Variants in KCNB2 observed in about 807,000 individuals in gnomAD.
The protein encoded by KCNB2 is delayed rectifier potassium channel protein.
A neutral mutation model predicts 61.5 loss-of-function variants in KCNB2; 15 were observed. That is an observed-to-expected ratio of 0.24 (90% CI 0.16 to 0.38). KCNB2 has a LOEUF of 0.38. KCNB2 is among the 10% of genes least tolerant of loss of function. The probability of loss-of-function intolerance (pLI) is 1.00; values close to 1 mark genes in which losing one functional copy is unlikely to be tolerated. For synonymous variants in KCNB2, 457 were observed against 446.0 expected, an observed-to-expected ratio of 1.02 and a Z score of -0.31; for missense variants, 828 against 1,125.2, an observed-to-expected ratio of 0.74 and a Z score of 3.78.
chr8:72,768,362 A>G (rs773758797), intron 2 of KCNB2, among the ~76,000 whole-genome samples: 3 of 151,868 alleles, frequency 2.0e-5, no homozygotes, highest in Non-Finnish European at 2.9e-5. Context: ...TTTAGTAGAG[A>G]TGTTGTTTTG....
intron 2 of KCNB2, among the ~76,000 whole-genome samples, chr8:72,703,655 A>G (rs1807170564): frequency 6.6e-6 from 1 of 152,154 alleles, no homozygotes; most frequent in Non-Finnish European, 1.5e-5. Flanking sequence ...TTCTGTGCCA[A>G]GGTCAGGGTA....
intron 2 of KCNB2, among the ~76,000 whole-genome samples, chr8:72,650,687 A>G (rs1806198637): frequency 6.6e-6 from 1 of 152,116 alleles, no homozygotes; most frequent in African/African-American, 2.4e-5. Context: ...TAGTATCTAT[A>G]AGAGTCTGCT....
chr8:72,725,529 A>ATATGTG lies in KCNB2; in HGVS notation c.579+157219_579+157220insGTGTAT, dbSNP rs1563571840. On this transcript the variant is annotated intron_variant, in intron 2 of 2. Transcript: ENST00000523207. The stretch of plus-strand genomic sequence containing the variant: ...TGTCTTCATATATATATATATATAT[A>ATATGTG]TATATATATATGTGTGTATATATAT... Among the ~76,000 whole-genome samples the ATATGTG allele has an allele frequency of 3.5e-3, 292 of 82,358 alleles. 3 individuals are homozygous for ATATGTG. The highest frequency in any genetic ancestry group is 0.01 in the African/African-American group (200 of 19,504). 54.0% of individuals were successfully genotyped at this position (82,358 alleles called of 152,430 possible). A position where few individuals can be genotyped will look rare whatever the true frequency, so the allele number is the denominator to read the frequency against.
At chr8:72,578,296 T>C (rs1169178643) in intron 2 of KCNB2, among the ~76,000 whole-genome samples, 1 of 152,198 alleles carries the variant, frequency 6.6e-6, no homozygotes, top group African/African-American at 2.4e-5. Flanking sequence ...TAGTAGGTAA[T>C]CTTACTTTCT....
chr8:72,767,511 A>C (rs1429730806), intron 2 of KCNB2, among the ~76,000 whole-genome samples: 1 of 151,504 alleles, frequency 6.6e-6, no homozygotes, highest in Non-Finnish European at 1.5e-5. Context: ...TCTTTCACTC[A>C]GTATAATGTT....
In KCNB2 at chr8:72,937,830, G is replaced by A. The variant is rs138301209; in HGVS notation, c.2475G>A (p.Lys825=). The A allele has an allele frequency of 5.4e-5, 87 of 1,614,050 alleles. No individual in the cohort carries two copies. The highest frequency in any genetic ancestry group is 6.4e-5 in the Non-Finnish European group (75 of 1,180,030). ...FLELPGAREE[K]QVDSSPNCFA... is the part of the protein sequence containing the mutation. ...AGCTCCCAGGGGCAAGGGAGGAGAAGCAGGTGGACTCCAGCCCAAATTGCT... is the reference window on the plus strand; with the variant it reads ...AGCTCCCAGGGGCAAGGGAGGAGAAACAGGTGGACTCCAGCCCAAATTGCT... Residue 825 remains lysine (K), a synonymous_variant, in exon 3 of 3, where the codon AAG becomes AAA. Transcript: ENST00000523207.
At chr8:72,784,147 T>C (rs975955332) in intron 2 of KCNB2, among the ~76,000 whole-genome samples, 2 of 152,160 alleles carry the variant, frequency 1.3e-5, no homozygotes, top group African/African-American at 2.4e-5. Flanking sequence ...CATTGTGTAA[T>C]GATTACCACC....
chr8:72,580,166 G>A (rs1806869510), intron 2 of KCNB2, among the ~76,000 whole-genome samples: 1 of 152,168 alleles, frequency 6.6e-6, no homozygotes, highest in East Asian at 1.9e-4. Flanking sequence ...AGCAACCACG[G>A]GCACTATGGA....
chr8:72,740,623 A>G (rs1287340734), intron 2 of KCNB2, among the ~76,000 whole-genome samples: 1 of 152,178 alleles, frequency 6.6e-6, no homozygotes, highest in Non-Finnish European at 1.5e-5. Context: ...AAAGGCTTAG[A>G]TGGAGAAATA....
intron 2 of KCNB2, among the ~76,000 whole-genome samples, chr8:72,646,154 A>G (rs2128986052): frequency 6.6e-6 from 1 of 152,248 alleles, no homozygotes; most frequent in African/African-American, 2.4e-5. Flanking sequence ...ATATATACAT[A>G]TATGCTGATA....
intron 2 of KCNB2, among the ~76,000 whole-genome samples, chr8:72,655,699 T>C (rs1463598457): frequency 6.6e-6 from 1 of 152,150 alleles, no homozygotes; most frequent in Non-Finnish European, 1.5e-5. Flanking sequence ...TGCTGGTATA[T>C]GTAATATTAT....
chr8:72,777,106 A>G (rs1444175151), intron 2 of KCNB2, among the ~76,000 whole-genome samples: 1 of 152,176 alleles, frequency 6.6e-6, no homozygotes, highest in African/African-American at 2.4e-5. Context: ...AAAAATTCTC[A>G]TGTGACTTAA....
intron 1 of KCNB2, among the ~76,000 whole-genome samples, chr8:72,560,258 C>T (rs532270293): frequency 3.3e-5 from 5 of 152,260 alleles, no homozygotes; most frequent in African/African-American, 1.2e-4. Context: ...TGGAAGAGAC[C>T]TAACAAATTG....
chr8:72,687,958 G>A (rs976137565), intron 2 of KCNB2, among the ~76,000 whole-genome samples: 7 of 152,152 alleles, frequency 4.6e-5, no homozygotes, highest in African/African-American at 1.7e-4. Context: ...ATGGAGCACA[G>A]TTCAGGCCAG....
At chr8:72,818,057 C>G (rs1470976875) in intron 2 of KCNB2, among the ~76,000 whole-genome samples, 1 of 152,012 alleles carries the variant, frequency 6.6e-6, no homozygotes, top group Non-Finnish European at 1.5e-5. Flanking sequence ...TGGATATATA[C>G]AGATTTACCC....
chr8:72,552,451 T>G (rs1265677709), intron 1 of KCNB2, among the ~76,000 whole-genome samples: 2 of 152,226 alleles, frequency 1.3e-5, no homozygotes, highest in Non-Finnish European at 2.9e-5. Flanking sequence ...ATTTTAAATT[T>G]ATGTGATTTA....
intron 1 of KCNB2, among the ~76,000 whole-genome samples, chr8:72,563,423 T>A (rs1474429925): frequency 6.6e-6 from 1 of 152,158 alleles, no homozygotes; most frequent in Non-Finnish European, 1.5e-5. Flanking sequence ...CAATTCTGTT[T>A]AGATGTTTTT....
At chr8:72,692,806 A>G (rs989292530) in intron 2 of KCNB2, among the ~76,000 whole-genome samples, 2 of 148,870 alleles carry the variant, frequency 1.3e-5, no homozygotes, top group Non-Finnish European at 3.0e-5. Context: ...ATTATTTTGT[A>G]TTATTCATTA....
At chr8:72,547,416 G>A (rs908772025) in intron 1 of KCNB2, among the ~76,000 whole-genome samples, 1 of 152,162 alleles carries the variant, frequency 6.6e-6, no homozygotes, top group Non-Finnish European at 1.5e-5. Context: ...TCTGGACAAA[G>A]TTAATTAAAA....
Sources: allele counts gnomAD v4.1 joint callset (sites outside exome capture counted in the v4.1 genomes callset), GRCh38; gene constraint gnomAD v4.1.1; transcripts MANE v1.5; gene names NCBI Gene and HGNC (gene_info 2026-07-23, HGNC 2026-07-21).